CNTN6: variants seen among roughly 807,000 people sequenced by gnomAD.
CNTN6 encodes contactin-6.
A neutral mutation model predicts 122.8 loss-of-function variants in CNTN6; 137 were observed. The ratio of observed to expected loss-of-function variants is 1.12; its 90% CI spans 0.97 to 1.29. The LOEUF (loss-of-function observed/expected upper bound fraction) is 1.29. Among genes scored for constraint, CNTN6 ranks in the 50% most tolerant of loss-of-function variants. The pLI is 0.00. For synonymous variants in CNTN6, 570 were observed against 426.0 expected (o/e 1.34, Z -4.16); for missense variants, 1,634 against 1,223.4 (o/e 1.34, Z -5.01).
intron 4 of CNTN6, among the ~76,000 whole-genome samples, chr3:1,253,172 T>C (rs1331052014): frequency 6.6e-6 from 1 of 152,192 alleles, no homozygotes; most frequent in Non-Finnish European, 1.5e-5. Flanking sequence ...AGAGGACTTG[T>C]ATATTTCATT....
intron 7 of CNTN6, 146 bp from the exon 8 acceptor site, chr3:1,321,504 A>C (rs1357239336): frequency 1.4e-6 from 1 of 710,986 alleles, no homozygotes; most frequent in Non-Finnish European, 2.3e-6. Flanking sequence ...GTGAATGGCG[A>C]ATGATTGCAT....
chr3:1,212,255 T>G (rs959920703), intron 2 of CNTN6, among the ~76,000 whole-genome samples: 10 of 148,760 alleles, frequency 6.7e-5, no homozygotes, highest in Non-Finnish European at 1.5e-4. Context: ...AAAACTTGTT[T>G]TTTTTTTTTT....
At chr3:1,109,591 A>G (rs1448778043) in intron 1 of CNTN6, among the ~76,000 whole-genome samples, 1 of 152,016 alleles carries the variant, frequency 6.6e-6, no homozygotes, top group African/African-American at 2.4e-5. Flanking sequence ...TTGAGTTTGC[A>G]TTCACACATA....
chr3:1,386,327 G>A (rs969201783), intron 20 of CNTN6, among the ~76,000 whole-genome samples: 3 of 152,130 alleles, frequency 2.0e-5, no homozygotes, highest in Non-Finnish European at 4.4e-5. Flanking sequence ...CAGACACCTA[G>A]ATCTTTCCTT....
chr3:1,259,759 A>C (rs1464936553), intron 4 of CNTN6, among the ~76,000 whole-genome samples: 1 of 152,118 alleles, frequency 6.6e-6, no homozygotes, highest in Non-Finnish European at 1.5e-5. Context: ...TCTACATCAA[A>C]ATTATTTTGA....
At chr3:1,100,140 G>A (rs944661117) in intron 1 of CNTN6, among the ~76,000 whole-genome samples, 1 of 152,004 alleles carries the variant, frequency 6.6e-6, no homozygotes, top group Non-Finnish European at 1.5e-5. Flanking sequence ...TGCTATTTAT[G>A]TGCATCTCCT....
intron 1 of CNTN6, among the ~76,000 whole-genome samples, chr3:1,126,263 T>C (rs1264870856): frequency 6.6e-6 from 1 of 151,864 alleles, no homozygotes; most frequent in Non-Finnish European, 1.5e-5. Context: ...TTCAAAAACA[T>C]GTATATACAT....
intron 4 of CNTN6, among the ~76,000 whole-genome samples, chr3:1,240,052 C>G (rs1298069590): frequency 6.6e-6 from 1 of 152,076 alleles, no homozygotes; most frequent in East Asian, 1.9e-4. Context: ...AATATAAGAC[C>G]TGAAACCATA....
At chr3:1,330,749 G>A (rs1702177770) in intron 11 of CNTN6, among the ~76,000 whole-genome samples, 1 of 151,864 alleles carries the variant, frequency 6.6e-6, no homozygotes, top group Non-Finnish European at 1.5e-5. Flanking sequence ...ACCAGGATGG[G>A]CAGGTAAAAG....
chr3:1,129,527 G>T (rs2092277776), intron 1 of CNTN6, among the ~76,000 whole-genome samples: 1 of 151,970 alleles, frequency 6.6e-6, no homozygotes, highest in Admixed American at 6.6e-5. Context: ...CCAACTTTCT[G>T]CACAGTCACT....
At chr3:1,290,432 A>C (rs1232943955) in intron 5 of CNTN6, among the ~76,000 whole-genome samples, 2 of 152,192 alleles carry the variant, frequency 1.3e-5, no homozygotes, top group African/African-American at 2.4e-5. Context: ...GGAAGGCTAA[A>C]GGTGAGGAGG....
At chr3:1,303,849 C>A (rs1483558083) in intron 7 of CNTN6, among the ~76,000 whole-genome samples, 1 of 152,114 alleles carries the variant, frequency 6.6e-6, no homozygotes, top group Non-Finnish European at 1.5e-5. Context: ...CTCGAGTTTT[C>A]TGTGGTTATT....
In CNTN6 at chr3:1,377,008, C is replaced by T; in HGVS notation, c.2099C>T (p.Pro700Leu). 6.3e-7 allele frequency: 1 copy of T among 1,592,334 alleles called. No homozygotes were observed. The highest frequency in any genetic ancestry group is 8.6e-7 in the Non-Finnish European group (1 of 1,167,768). ...SELLRTKASV[P>L]VVAPVNIHGG... ...CATTTCTCTTGGTTATTTTTAGTCC[C>T]TGTTGTGGCACCAGTAAACATCCAT... Residue 700 changes from proline (P) to leucine (L), a missense_variant, in exon 17 of 23, where the codon CCT (proline) becomes CTT (leucine). By Grantham distance (98) the Pro-to-Leu change is moderately conservative. Transcript: ENST00000446702.
Position 1,385,593 on chromosome 3 carries a change from T to C in CNTN6, c.2518-18T>C. 1.3e-6 allele frequency: 2 copies of C among 1,571,876 alleles called. No homozygotes were observed. The highest frequency in any genetic ancestry group is 8.6e-7 in the Non-Finnish European group (1 of 1,161,454). Reference sequence around the variant, plus strand: ...ATTGGGGAACAATAAATTGCTTGTTTTGGTTTTTAATTATCAGGTCTTATA... The same window carrying C: ...ATTGGGGAACAATAAATTGCTTGTTCTGGTTTTTAATTATCAGGTCTTATA... On this transcript the variant is annotated intron_variant, in intron 19 of 22. Transcript: ENST00000446702.
chr3:1,102,048 G>A (rs865811377), intron 1 of CNTN6, among the ~76,000 whole-genome samples: 2 of 152,106 alleles, frequency 1.3e-5, no homozygotes, highest in African/African-American at 4.8e-5. Context: ...CTTTTAAGGC[G>A]GGAAGGAGAG....
At chr3:1,137,597 T>C (rs1285397917) in intron 1 of CNTN6, among the ~76,000 whole-genome samples, 1 of 152,170 alleles carries the variant, frequency 6.6e-6, no homozygotes, top group Non-Finnish European at 1.5e-5. Flanking sequence ...CATTTATCTA[T>C]TCCTAGTCAG....
intron 11 of CNTN6, among the ~76,000 whole-genome samples, chr3:1,341,092 T>C (rs1703816069): frequency 6.6e-6 from 1 of 152,162 alleles, no homozygotes; most frequent in African/African-American, 2.4e-5. Flanking sequence ...GTCCTCACAA[T>C]GTTCAGACTT....
chr3:1,157,212 A>T (rs2092992787), intron 2 of CNTN6, among the ~76,000 whole-genome samples: 1 of 140,966 alleles, frequency 7.1e-6, no homozygotes, highest in African/African-American at 2.8e-5. Context: ...TTATTTATTT[A>T]TTTATTTAAT....
chr3:1,188,858 C>T (rs1468535978), intron 2 of CNTN6, among the ~76,000 whole-genome samples: 1 of 152,114 alleles, frequency 6.6e-6, no homozygotes, highest in African/African-American at 2.4e-5. Flanking sequence ...TCTTTATTGA[C>T]CCAATTCCCT....
Sources: gnomAD v4.1 joint callset for allele counts (sites outside exome capture counted in the v4.1 genomes callset) on GRCh38, gnomAD v4.1.1 for gene constraint, MANE v1.5 for transcripts, NCBI Gene and HGNC (gene_info 2026-07-23, HGNC 2026-07-21) for gene names.